Variants in INPP4B observed in about 807,000 individuals in gnomAD.
The protein encoded by INPP4B is inositol polyphosphate 4-phosphatase type II.
Under a neutral mutation model 122.5 loss-of-function variants are expected in INPP4B, and 55 were observed. The observed-to-expected ratio is 0.45, with a 90% CI of 0.36 to 0.56. The LOEUF is 0.56. Ranked by LOEUF, INPP4B falls within the 20% of genes least tolerant of loss-of-function variation. The pLI is 0.00. For synonymous variants in INPP4B, 403 were observed against 388.7 expected (o/e 1.04, Z -0.43); for missense variants, 1,000 against 1,097.7 (o/e 0.91, Z 1.26).
rs1331524234 is a variant in INPP4B, at chr4:142,023,171, A to T, written c.*5611T>A. On this transcript the variant is annotated 3_prime_UTR_variant, in exon 26 of 26. Transcript: ENST00000262992. ...AAAAGACAGAAACATAAAAAATAAA[A>T]ATCATTTATTTAAACAAAAATATAC... 3 of 152,200 alleles carry T rather than the reference A, an allele frequency of 2.0e-5. No individual in the cohort carries two copies. Among genetic ancestry groups the T allele is most frequent in the Non-Finnish European group, 4.4e-5 (3 of 68,036 alleles). The allele number at this position is 152,200 out of a possible 1,614,324, so 9.4% of individuals were successfully genotyped here. A position where few individuals can be genotyped will look rare whatever the true frequency, so the allele number is the denominator to read the frequency against.
intron 1 of INPP4B, among the ~76,000 whole-genome samples, chr4:142,807,320 G>A (rs1561092300): frequency 6.6e-6 from 1 of 152,192 alleles, no homozygotes; most frequent in Non-Finnish European, 1.5e-5. Context: ...GAATAGAGAA[G>A]AGGAACATTC....
At chr4:142,564,785 G>C (rs1731272898) in intron 2 of INPP4B, among the ~76,000 whole-genome samples, 2 of 152,100 alleles carry the variant, frequency 1.3e-5, no homozygotes, top group African/African-American at 4.8e-5. Context: ...TGTAGGGAAT[G>C]GGAGGAGTCC....
intron 7 of INPP4B, among the ~76,000 whole-genome samples, chr4:142,330,004 A>G (rs1773854492): frequency 6.6e-6 from 1 of 152,210 alleles, no homozygotes; most frequent in South Asian, 2.1e-4. Flanking sequence ...GAAAAAATTT[A>G]TAAACAAACT....
At position 142,720,803 on chromosome 4, in the gene INPP4B, C is replaced by CTA. The variant is rs1274255676; in HGVS notation, c.-191+5035_-191+5036insTA. 7.5e-3 allele frequency among the ~76,000 whole-genome samples: 139 copies of CTA among 18,632 alleles called. 2 individuals are homozygous for CTA. Among genetic ancestry groups the CTA allele is most frequent in the South Asian group, 0.012 (3 of 260 alleles). The allele number at this position is 18,632 out of a possible 152,430, so 12.2% of individuals were successfully genotyped here. On this transcript the variant is annotated intron_variant, in intron 2 of 25. Transcript: ENST00000262992. The stretch of plus-strand genomic sequence containing the variant: ...TCTCTCTCTCTCTCTCTCTCTCTCT[C>CTA]TCTCTCTATATATATATATATATAT...
intron 7 of INPP4B, among the ~76,000 whole-genome samples, chr4:142,389,174 TG>T (rs1406209165): frequency 1.3e-5 from 2 of 150,266 alleles, no homozygotes; most frequent in Middle Eastern, 3.5e-3. Flanking sequence ...TGCTTGAAGC[TG>T]GGAGGTGGAG....
At chr4:142,681,839 T>C (rs1758663676) in intron 2 of INPP4B, among the ~76,000 whole-genome samples, 1 of 151,980 alleles carries the variant, frequency 6.6e-6, no homozygotes. Context: ...GGCATCCTAA[T>C]GCTCCATGTG....
At chr4:142,665,711 G>A (rs912790511) in intron 2 of INPP4B, among the ~76,000 whole-genome samples, 1 of 151,986 alleles carries the variant, frequency 6.6e-6, no homozygotes, top group African/African-American at 2.4e-5. Context: ...TATGTGAAAT[G>A]ATAAAAAATT....
chr4:142,115,849 T>G (rs1578956081), intron 21 of INPP4B, among the ~76,000 whole-genome samples: 1 of 152,278 alleles, frequency 6.6e-6, no homozygotes, highest in East Asian at 1.9e-4. Flanking sequence ...ATGCTACAAT[T>G]AAAAGACACA....
At chr4:142,067,813 A>G (rs1764477338) in intron 25 of INPP4B, among the ~76,000 whole-genome samples, 3 of 152,242 alleles carry the variant, frequency 2.0e-5, no homozygotes, top group Admixed American at 1.3e-4. Context: ...CGAAGCCTCC[A>G]AGAACTATCG....
intron 7 of INPP4B, among the ~76,000 whole-genome samples, chr4:142,333,010 CAA>C (rs1158290884): frequency 9.2e-5 from 4 of 43,434 alleles, no homozygotes; most frequent in Non-Finnish European, 1.0e-4. Context: ...GACTCCGTCT[CAA>C]AAAAAAAAAA....
At chr4:142,168,247 T>C (rs897298217) in intron 16 of INPP4B, among the ~76,000 whole-genome samples, 1 of 151,532 alleles carries the variant, frequency 6.6e-6, no homozygotes, top group Non-Finnish European at 1.5e-5. Flanking sequence ...CTGACCATGA[T>C]TTCTGCCAAT....
chr4:142,360,524 A>G (rs960264928), intron 7 of INPP4B, among the ~76,000 whole-genome samples: 2 of 151,958 alleles, frequency 1.3e-5, no homozygotes, highest in African/African-American at 4.8e-5. Context: ...TCCAACGACT[A>G]CTTCATTTTA....
intron 2 of INPP4B, among the ~76,000 whole-genome samples, chr4:142,471,010 A>C (rs1247659865): frequency 6.6e-6 from 1 of 152,222 alleles, no homozygotes; most frequent in African/African-American, 2.4e-5. Context: ...CCAAAATGTT[A>C]AATGTAAAAA....
chr4:142,258,777 A>G (rs1737968364), intron 11 of INPP4B, among the ~76,000 whole-genome samples: 1 of 152,284 alleles, frequency 6.6e-6, no homozygotes, highest in South Asian at 2.1e-4. Context: ...TAGTTCAATC[A>G]TTGTGGAAGT....
chr4:142,682,856 T>C (rs181977165), intron 2 of INPP4B, among the ~76,000 whole-genome samples: 50 of 152,090 alleles, frequency 3.3e-4, no homozygotes, highest in Admixed American at 1.4e-3. Context: ...AGATATCCAT[T>C]AGTAGGTATA....
At chr4:142,794,358 G>C (rs1000006195) in intron 1 of INPP4B, among the ~76,000 whole-genome samples, 1 of 151,930 alleles carries the variant, frequency 6.6e-6, no homozygotes, top group Non-Finnish European at 1.5e-5. Context: ...ATGGAAGCTT[G>C]ATTTATTACA....
intron 7 of INPP4B, among the ~76,000 whole-genome samples, chr4:142,390,414 G>A (rs1010008920): frequency 6.6e-6 from 1 of 152,154 alleles, no homozygotes; most frequent in Non-Finnish European, 1.5e-5. Flanking sequence ...TTGGCTAAAT[G>A]AATGACTTAT....
intron 25 of INPP4B, among the ~76,000 whole-genome samples, chr4:142,077,989 G>T (rs937780263): frequency 1.3e-5 from 2 of 151,752 alleles, no homozygotes; most frequent in African/African-American, 4.8e-5. Flanking sequence ...TTTCTGATGG[G>T]CTGTGAGGGT....
At chr4:142,730,749 T>C (rs1444391604) in intron 1 of INPP4B, among the ~76,000 whole-genome samples, 1 of 152,238 alleles carries the variant, frequency 6.6e-6, no homozygotes, top group Middle Eastern at 3.2e-3. Context: ...ACAGTTATTT[T>C]AACTTGTGCC....
Sources: gnomAD v4.1 joint callset for allele counts (sites outside exome capture counted in the v4.1 genomes callset) on GRCh38, gnomAD v4.1.1 for gene constraint, MANE v1.5 for transcripts, NCBI Gene and HGNC (gene_info 2026-07-23, HGNC 2026-07-21) for gene names.